DOK7: variants seen among roughly 807,000 people sequenced by gnomAD.
The protein encoded by DOK7 is docking protein 7.
DOK7 carries 32 observed loss-of-function variants against 30.7 expected under a neutral mutation model. That is an observed-to-expected ratio of 1.04 (90% confidence interval 0.79 to 1.40). DOK7 has a LOEUF of 1.40. Ranked by LOEUF, DOK7 falls within the 40% of genes most tolerant of loss-of-function variation. DOK7 has a pLI of 0.00. For synonymous variants in DOK7, 447 were observed against 324.1 expected, an observed-to-expected ratio of 1.38 and a Z score of -4.07; for missense variants, 1,007 against 699.2, an observed-to-expected ratio of 1.44 and a Z score of -4.97.
chr4:3,491,279 C>T (rs1728403895), intron 6 of DOK7, among the ~76,000 whole-genome samples: 1 of 136,772 alleles, frequency 7.3e-6, no homozygotes, highest in South Asian at 2.5e-4. Context: ...TCATTCATTC[C>T]TTCCTCCGCC....
intron 4 of DOK7, among the ~76,000 whole-genome samples, chr4:3,478,871 T>C (rs931690061): frequency 1.3e-5 from 2 of 152,028 alleles, no homozygotes; most frequent in African/African-American, 4.8e-5. Flanking sequence ...AGCGGTGGTG[T>C]TCTCAACGCA....
At chr4:3,496,897 G>A (rs13130443), downstream of DOK7, 237,524 of 1,498,042 alleles carry the variant, frequency 0.16, 19,672 homozygotes, top group Middle Eastern at 0.22. Flanking sequence ...AGAGCTCGGG[G>A]ACAGGAAGGC....
intron 6 of DOK7, among the ~76,000 whole-genome samples, chr4:3,490,131 G>T (rs1342458871): frequency 2.6e-5 from 1 of 38,154 alleles, no homozygotes. Context: ...TTTTCTCCCT[G>T]CTCATTCATT....
rs1211344355 is a variant in DOK7 at position 3,484,469 on chromosome 4, C to T, written c.533-1070C>T. 9 of 983,396 alleles carry T rather than the reference C, an allele frequency of 9.2e-6. No homozygotes were observed. In the African/African-American group the frequency reaches 1.4e-4, roughly 15 times the overall value. The allele number at this position is 983,396 out of a possible 1,614,324, so 60.9% of individuals were successfully genotyped here. A position where few individuals can be genotyped will look rare whatever the true frequency, so the allele number is the denominator to read the frequency against. Reference sequence around the variant, plus strand: ...CCTTTCTTTGGGCAATGGGCAGAGGCCCCGGAGCGGGCGGGATTCCTGTGA... The same window carrying T: ...CCTTTCTTTGGGCAATGGGCAGAGGTCCCGGAGCGGGCGGGATTCCTGTGA... On this transcript the variant is annotated intron_variant, in intron 4 of 6. Coordinates refer to ENST00000340083, the MANE Select transcript of DOK7 (RefSeq NM_173660.5).
rs1726868175 is a variant in DOK7, at chr4:3,473,276, C to T, written c.101-130C>T. On this transcript the variant is annotated intron_variant, in intron 2 of 6. Coordinates refer to ENST00000340083, the MANE Select transcript of DOK7 (RefSeq NM_173660.5). ...TGTATGCCGGGAGTCGAAGCCTTGGCATGGCTGAGTGGCTGGCTTGAGGTC... is the reference window on the plus strand; with the variant it reads ...TGTATGCCGGGAGTCGAAGCCTTGGTATGGCTGAGTGGCTGGCTTGAGGTC... 9.6e-6 allele frequency: 8 copies of T among 834,480 alleles called. 1 individual carries two copies. In the East Asian group the frequency reaches 1.9e-4, roughly 20 times the overall value. 51.7% of individuals were successfully genotyped at this position (834,480 alleles called of 1,614,324 possible).
chr4:3,475,986 T>C (rs566172873), intron 3 of DOK7, among the ~76,000 whole-genome samples: 1 of 152,118 alleles, frequency 6.6e-6, no homozygotes, highest in South Asian at 2.1e-4. Flanking sequence ...GGAGTGCCAT[T>C]TGCTCATCCT....
downstream of DOK7, chr4:3,496,689 C>A: frequency 1.0e-6 from 1 of 955,178 alleles, no homozygotes; most frequent in Non-Finnish European, 1.5e-6. Flanking sequence ...GGGCTGGACT[C>A]CCTGCAGGTG....
In DOK7 at chr4:3,493,534, G is replaced by A. The variant is rs1278530710; in HGVS notation, c.*33G>A. The A allele has an allele frequency of 1.2e-6, 2 of 1,603,770 alleles. No homozygotes were observed. The highest frequency in any genetic ancestry group is 8.5e-7 in the Non-Finnish European group (1 of 1,175,550). ...AGATCCCGCCCCGCGGCTGCAAAGG[G>A]GCTGAATTTGCCCCCAGATGGCAGA... On this transcript the variant is annotated 3_prime_UTR_variant, in exon 7 of 7. Coordinates refer to ENST00000340083, the MANE Select transcript of DOK7 (RefSeq NM_173660.5).
Position 3,492,740 on chromosome 4 carries a change from G to A in DOK7, c.773-19G>A. On this transcript the variant is annotated intron_variant, in intron 6 of 6. Transcript: ENST00000340083. ...CCCCTGTACCCCCACAACTGCCTTG[G>A]CTTCCTGCTCTGTCTCAGGGGATGA... is the stretch of plus-strand genomic sequence containing the variant. 6.2e-7 allele frequency: 1 copy of A among 1,611,568 alleles called. No individual in the cohort carries two copies. The highest frequency in any genetic ancestry group is 1.3e-5 in the African/African-American group (1 of 74,630).
At chr4:3,500,857 G>C (rs995835257) in exon 8 of DOK7, 2 of 1,509,124 alleles carry the variant, frequency 1.3e-6, no homozygotes, top group Middle Eastern at 2.4e-4. Flanking sequence ...CCGCAAACCC[G>C]GTGCGCTGTG....
chr4:3,500,656 G>A lies in DOK7; in HGVS notation c.1262-36G>A, dbSNP rs1392535045. 3.3e-6 allele frequency: 5 copies of A among 1,535,584 alleles called. No individual in the cohort carries two copies. In the African/African-American group the frequency reaches 6.8e-5, roughly 21 times the overall value. ...CAGGGTCACAGGGCTGGGTGGCTCG[G>A]GGCGCAGGCTGCCGCTCACTACAGA... On this transcript the variant is annotated intron_variant, in intron 7 of 7. Transcript: ENST00000643608.
In DOK7 at chr4:3,500,146, T is replaced by C. The variant is rs2699408; in HGVS notation, c.1109-105T>C. 768,318 of 1,345,562 alleles carry C rather than the reference T, an allele frequency of 0.57. 225,468 individuals are homozygous for C. Among genetic ancestry groups the C allele is most frequent in the East Asian group, 0.92 (36,507 of 39,510 alleles). The allele number at this position is 1,345,562 out of a possible 1,614,324, so 83.4% of individuals were successfully genotyped here. On this transcript the variant is annotated intron_variant, in intron 6 of 7. Transcript: ENST00000643608. ...CTTCCAAGGTGCAGGAGAGGCGGAG[T>C]GGGGAGGAGGGGCTAGGCAGGGTGG... is the stretch of plus-strand genomic sequence containing the variant.
In DOK7 at chr4:3,463,354, C is replaced by A. The variant is rs1441442600; in HGVS notation, c.-22C>A. 2 of 1,445,134 alleles carry A rather than the reference C, an allele frequency of 1.4e-6. No individual in the cohort carries two copies. Among genetic ancestry groups the A allele is most frequent in the South Asian group, 2.9e-5 (2 of 69,404 alleles). The allele number at this position is 1,445,134 out of a possible 1,614,324, so 89.5% of individuals were successfully genotyped here. On this transcript the variant is annotated 5_prime_UTR_variant, in exon 1 of 7. Coordinates refer to ENST00000340083, the MANE Select transcript of DOK7 (RefSeq NM_173660.5). ...GGCTGGGGCGCCGGGGCGAGCGCGG[C>A]GGCGCGGAACCATGACAGAAGATGA...
At chr4:3,478,101 G>A (rs1205196500) in intron 4 of DOK7, among the ~76,000 whole-genome samples, 1 of 152,168 alleles carries the variant, frequency 6.6e-6, no homozygotes, top group Non-Finnish European at 1.5e-5. Context: ...TGGAGGAGGG[G>A]GACCCATACC....
intron 2 of DOK7, among the ~76,000 whole-genome samples, chr4:3,468,368 CTG>C (rs201551612): frequency 3.4e-5 from 5 of 148,492 alleles, no homozygotes; most frequent in African/African-American, 5.0e-5. Context: ...GTGCGTGTGT[CTG>C]TGTGTGCAAG....
At position 3,484,511 on chromosome 4, in the gene DOK7, G is replaced by A; in HGVS notation, c.533-1028G>A. 5.1e-6 allele frequency: 5 copies of A among 985,512 alleles called. No individual in the cohort carries two copies. In the South Asian group the frequency reaches 1.9e-4, roughly 37 times the overall value. The allele number at this position is 985,512 out of a possible 1,614,324, so 61.0% of individuals were successfully genotyped here. A position where few individuals can be genotyped will look rare whatever the true frequency, so the allele number is the denominator to read the frequency against. On this transcript the variant is annotated intron_variant, in intron 4 of 6. Transcript: ENST00000340083. The stretch of plus-strand genomic sequence containing the variant: ...TTCCTGTGAGGTGACGCCAGCCGGA[G>A]TGTCCAGCCGGGTGCAGCCAGCCCA...
At chr4:3,471,720 G>A (rs533322628) in intron 2 of DOK7, among the ~76,000 whole-genome samples, 11 of 152,362 alleles carry the variant, frequency 7.2e-5, no homozygotes, top group African/African-American at 7.2e-5. Flanking sequence ...TCTTGGGGCC[G>A]GGCGTCCTGC....
rs1306945939 is a variant in DOK7, at chr4:3,473,676, T to A, written c.331+40T>A. 6.0e-6 allele frequency: 9 copies of A among 1,505,930 alleles called. No homozygotes were observed. In the Admixed American group the frequency reaches 1.2e-4, roughly 20 times the overall value. 93.3% of individuals were successfully genotyped at this position (1,505,930 alleles called of 1,614,324 possible). On this transcript the variant is annotated intron_variant, in intron 3 of 6. Coordinates refer to ENST00000340083, the MANE Select transcript of DOK7 (RefSeq NM_173660.5). The stretch of plus-strand genomic sequence containing the variant: ...CCGGGGCCGGGCGGGGGCTCCCCGT[T>A]CAGGTGTGCCGGGGCCCCTCACCAA...
chr4:3,500,464 C>T (rs1256818422), intron 7 of DOK7: 2 of 1,521,174 alleles, frequency 1.3e-6, no homozygotes, highest in Non-Finnish European at 1.8e-6. Context: ...AGCCTCAGGG[C>T]CCTGAGCCCC....
Sources: gnomAD v4.1 joint callset for allele counts (sites outside exome capture counted in the v4.1 genomes callset) on GRCh38, gnomAD v4.1.1 for gene constraint, MANE v1.5 for transcripts, NCBI Gene and HGNC (gene_info 2026-07-23, HGNC 2026-07-21) for gene names.